PCDHA6: variants seen among roughly 807,000 people sequenced by gnomAD.
The protein encoded by PCDHA6 is protocadherin alpha-6.
PCDHA6 carries 55 observed loss-of-function variants against 60.3 expected under a neutral mutation model. The ratio of observed to expected loss-of-function variants is 0.91; its 90% CI spans 0.73 to 1.14. The LOEUF is 1.14. Among genes scored for constraint, PCDHA6 ranks in the 50% most tolerant of loss-of-function variants. PCDHA6 has a pLI of 0.00. For synonymous variants in PCDHA6, 652 were observed against 557.9 expected (o/e 1.17, Z -2.38); for missense variants, 1,327 against 1,256.5 (o/e 1.06, Z -0.85).
intron 3 of PCDHA6, among the ~76,000 whole-genome samples, chr5:141,004,743 T>G (rs1554259718): frequency 6.6e-6 from 1 of 152,182 alleles, no homozygotes; most frequent in Admixed American, 6.5e-5. Flanking sequence ...CTCTTTTGTC[T>G]CAGTCTCTTA....
At chr5:140,983,379 C>T (rs1169260784) in intron 3 of PCDHA6, among the ~76,000 whole-genome samples, 1 of 152,162 alleles carries the variant, frequency 6.6e-6, no homozygotes, top group Non-Finnish European at 1.5e-5. Context: ...AGGCCCATCG[C>T]TGTGGCAGTT....
intron 1 of PCDHA6, among the ~76,000 whole-genome samples, chr5:140,962,457 G>T (rs1563323233): frequency 6.6e-6 from 1 of 151,950 alleles, no homozygotes; most frequent in Non-Finnish European, 1.5e-5. Flanking sequence ...AATCTCTTAT[G>T]GCTTGAATCT....
chr5:140,910,274 G>A (rs1185029668), intron 1 of PCDHA6, among the ~76,000 whole-genome samples: 1 of 152,030 alleles, frequency 6.6e-6, no homozygotes, highest in Non-Finnish European at 1.5e-5. Flanking sequence ...TCACTTCTAG[G>A]AACACCATGA....
At chr5:140,848,644 A>G in intron 1 of PCDHA6, 2 of 1,593,184 alleles carry the variant, frequency 1.3e-6, no homozygotes, top group South Asian at 2.2e-5. Context: ...CGCATCGCGC[A>G]GGACCTGGGG....
chr5:140,970,657 T>C (rs1487534093), intron 1 of PCDHA6, among the ~76,000 whole-genome samples: 1 of 152,232 alleles, frequency 6.6e-6, no homozygotes, highest in Non-Finnish European at 1.5e-5. Context: ...TGAATTGTTA[T>C]CTTTCCAAAT....
intron 1 of PCDHA6, chr5:140,966,342 T>G: frequency 2.5e-6 from 1 of 395,470 alleles, no homozygotes; most frequent in Non-Finnish European, 4.4e-6. Flanking sequence ...AGGTCCAGGG[T>G]GAAGGAGATG....
intron 1 of PCDHA6, chr5:140,843,938 G>C: frequency 1.7e-6 from 1 of 572,224 alleles, no homozygotes; most frequent in East Asian, 2.9e-5. Flanking sequence ...GTTATGGTTG[G>C]ATGATATCCA....
chr5:140,915,882 C>T lies in PCDHA6; in HGVS notation c.2395-63067C>T, dbSNP rs181276676. Among the ~76,000 whole-genome samples, 3 of 152,314 alleles carry T rather than the reference C, an allele frequency of 2.0e-5. No homozygotes were observed. In the East Asian group the frequency reaches 5.8e-4, roughly 29 times the overall value. ...GTTTGCATCCTTCCCTTTAGGGTAG[C>T]AAGTTCCCCCTGGCCCTGGGCAGGC... On this transcript the variant is annotated intron_variant, in intron 1 of 3. Coordinates refer to ENST00000529310, the MANE Select transcript of PCDHA6 (RefSeq NM_018909.4).
In PCDHA6 at chr5:140,829,267, C is replaced by G. The variant is rs2150164900; in HGVS notation, c.1176C>G (p.His392Gln). 1.1e-5 allele frequency: 18 copies of G among 1,614,126 alleles called. No homozygotes were observed. Among genetic ancestry groups the G allele is most frequent in the African/African-American group, 2.7e-5 (2 of 74,954 alleles). ...NGQVNCSLTPHVPFKLVSTFK... is the reference protein window; with the variant it reads ...NGQVNCSLTPQVPFKLVSTFK... ...AGGTGAACTGCTCGCTGACGCCTCA[C>G]GTCCCTTTCAAGCTGGTGTCCACCT... Residue 392 changes from histidine to glutamine, a missense_variant, in exon 1 of 4, where the codon CAC becomes CAG. Coordinates refer to ENST00000529310, the MANE Select transcript of PCDHA6 (RefSeq NM_018909.4).
chr5:140,851,932 TGTA>T lies in PCDHA6; in HGVS notation c.2394+21451_2394+21453del. ...TCACTACATGTTATGTTTCCTGAAT[TGTA>T]GTATGTGACTTTCAAAATGGTGGTT... On this transcript the variant is annotated intron_variant, in intron 1 of 3. Transcript: ENST00000529310. 5.2e-6 allele frequency: 5 copies of T among 965,638 alleles called. 1 individual carries two copies. The highest frequency in any genetic ancestry group is 5.0e-6 in the Non-Finnish European group (4 of 798,866). The allele number at this position is 965,638 out of a possible 1,614,324, so 59.8% of individuals were successfully genotyped here. A position where few individuals can be genotyped will look rare whatever the true frequency, so the allele number is the denominator to read the frequency against.
chr5:140,941,201 TC>T (rs1462646812), intron 1 of PCDHA6, among the ~76,000 whole-genome samples: 2 of 103,500 alleles, frequency 1.9e-5, no homozygotes, highest in African/African-American at 7.9e-5. Context: ...TTTTCTTTCT[TC>T]CTTTCTTTCT....
chr5:140,893,519 C>T (rs1199543838), intron 1 of PCDHA6, among the ~76,000 whole-genome samples: 1 of 152,084 alleles, frequency 6.6e-6, no homozygotes, highest in African/African-American at 2.4e-5. Flanking sequence ...AGTTGTAGAA[C>T]TCCTTTAAGT....
At chr5:140,876,278 C>A (rs1554168451) in intron 1 of PCDHA6, 1 of 1,614,030 alleles carries the variant, frequency 6.2e-7, no homozygotes, top group South Asian at 1.1e-5. Flanking sequence ...GCTTCCGATC[C>A]AGACGAAGGA....
At chr5:140,856,441 G>C in intron 1 of PCDHA6, 1 of 1,598,410 alleles carries the variant, frequency 6.3e-7, no homozygotes. Flanking sequence ...ACCCGCCCAG[G>C]TTCTCCGTAA....
In PCDHA6 at chr5:140,828,487, G is replaced by A; in HGVS notation, c.396G>A (p.Leu132=). The A allele has an allele frequency of 6.2e-7, 1 of 1,614,226 alleles. No homozygotes were observed. The highest frequency in any genetic ancestry group is 8.5e-7 in the Non-Finnish European group (1 of 1,180,048). ...EVRDINDNPP[L]FPVEEQRVLI... ...GGGACATTAACGACAACCCGCCCTT[G>A]TTCCCGGTAGAGGAACAAAGAGTGC... is the stretch of plus-strand genomic sequence containing the variant. The change falls in exon 1 of 4, where the codon TTG becomes TTA. Residue 132 remains leucine (L), a synonymous_variant. Coordinates refer to ENST00000529310, the MANE Select transcript of PCDHA6 (RefSeq NM_018909.4).
chr5:140,940,903 A>T (rs1177865937), intron 1 of PCDHA6, among the ~76,000 whole-genome samples: 1 of 152,242 alleles, frequency 6.6e-6, no homozygotes, highest in Admixed American at 6.5e-5. Context: ...CTTTAAATCA[A>T]GTTCAAGACT....
At chr5:140,895,099 T>C (rs558310890) in intron 1 of PCDHA6, among the ~76,000 whole-genome samples, 1 of 152,326 alleles carries the variant, frequency 6.6e-6, no homozygotes, top group East Asian at 1.9e-4. Flanking sequence ...ATAGGGGTTT[T>C]TGCTACAAGA....
At chr5:140,975,543 T>C (rs1276340507) in intron 1 of PCDHA6, among the ~76,000 whole-genome samples, 2 of 152,206 alleles carry the variant, frequency 1.3e-5, no homozygotes, top group African/African-American at 4.8e-5. Context: ...AATACAGTCC[T>C]ATTAGGAAGG....
chr5:140,929,078 G>A lies in PCDHA6; in HGVS notation c.2395-49871G>A, dbSNP rs144524128. On this transcript the variant is annotated intron_variant, in intron 1 of 3. Coordinates refer to ENST00000529310, the MANE Select transcript of PCDHA6 (RefSeq NM_018909.4). ...TCTACAGAGGATCTGAGGTATGGAA[G>A]TAAGATGGTTTCAAATCCTTGCATG... 20 of 1,614,208 alleles carry A rather than the reference G, an allele frequency of 1.2e-5. No individual in the cohort carries two copies. The African/African-American group carries it at 2.3e-4, about 18-fold the overall frequency.
Sources: gnomAD v4.1 joint callset for allele counts (sites outside exome capture counted in the v4.1 genomes callset) on GRCh38, gnomAD v4.1.1 for gene constraint, MANE v1.5 for transcripts, NCBI Gene and HGNC (gene_info 2026-07-23, HGNC 2026-07-21) for gene names.